FAM91A1: variants seen among roughly 807,000 people sequenced by gnomAD.
FAM91A1 encodes protein FAM91A1.
Under a neutral mutation model 113.5 loss-of-function variants are expected in FAM91A1, and 41 were observed. The ratio of observed to expected loss-of-function variants is 0.36; its 90% CI spans 0.28 to 0.47. FAM91A1 has a LOEUF of 0.47. FAM91A1 is among the 20% of genes least tolerant of loss of function. The pLI, the probability that FAM91A1 is intolerant of heterozygous loss-of-function variation, is 1.00. For synonymous variants in FAM91A1, 307 were observed against 347.9 expected (o/e 0.88, Z 1.31); for missense variants, 696 against 1,001.2 (o/e 0.70, Z 4.11).
At chr8:123,791,506 G>A (rs1815385384) in intron 15 of FAM91A1, among the ~76,000 whole-genome samples, 1 of 152,074 alleles carries the variant, frequency 6.6e-6, no homozygotes, top group Non-Finnish European at 1.5e-5. Flanking sequence ...TTTAAGGTGG[G>A]TTTAATGTTA....
Position 123,798,214 on chromosome 8 carries a change from G to A in FAM91A1, c.1536G>A (p.Arg512=), listed in dbSNP as rs531653798. Residue 512 remains arginine (R), a synonymous_variant, in exon 16 of 24, where the codon CGG becomes CGA. Coordinates refer to ENST00000334705, the MANE Select transcript of FAM91A1 (RefSeq NM_144963.4). The part of the protein sequence containing the change: ...VSMAPLTNEI[R]PVSSCTPQHI... ...TGGCTCCCCTCACCAATGAAATCCG[G>A]CCTGTCAGCAGCTGCACCCCTCAGG... The A allele has an allele frequency of 1.2e-6, 2 of 1,613,934 alleles. No homozygotes were observed. Among genetic ancestry groups the A allele is most frequent in the South Asian group, 2.2e-5 (2 of 91,070 alleles).
At chr8:123,780,186 G>C (rs1255873361) in intron 7 of FAM91A1, 111 bp downstream of exon 7, 8 of 910,178 alleles carry the variant, frequency 8.8e-6, no homozygotes, top group South Asian at 1.8e-5. Context: ...AGTTTCTAAG[G>C]CATGTTATTG....
At chr8:123,792,130 A>T (rs1815400099) in intron 15 of FAM91A1, among the ~76,000 whole-genome samples, 1 of 151,264 alleles carries the variant, frequency 6.6e-6, no homozygotes. Flanking sequence ...AGCTGAAATG[A>T]CACCACTGCA....
rs1476491346 is a variant in FAM91A1, at chr8:123,814,343, A to T, written c.*1639A>T. ...AGTTTTTCAGCTGAAAGTTGTAAGT[A>T]TTTTTTTTTTTTGATCGGGGCTCTT... On this transcript the variant is annotated 3_prime_UTR_variant, in exon 24 of 24. Coordinates refer to ENST00000334705, the MANE Select transcript of FAM91A1 (RefSeq NM_144963.4). The T allele has an allele frequency of 1.5e-5, 3 of 193,726 alleles. No homozygotes were observed. The highest frequency in any genetic ancestry group is 1.4e-4 in the South Asian group (2 of 14,122). The allele number at this position is 193,726 out of a possible 1,614,324, so 12.0% of individuals were successfully genotyped here. A position where few individuals can be genotyped will look rare whatever the true frequency, so the allele number is the denominator to read the frequency against.
At chr8:123,788,252 G>A in intron 14 of FAM91A1, 1 of 984,766 alleles carries the variant, frequency 1.0e-6, no homozygotes, top group Non-Finnish European at 1.2e-6. Flanking sequence ...TTCCCCGTGA[G>A]TACAGCCCTA....
At chr8:123,779,152 A>G (rs745578627) in intron 6 of FAM91A1, among the ~76,000 whole-genome samples, 33 of 152,236 alleles carry the variant, frequency 2.2e-4, no homozygotes, top group Non-Finnish European at 4.3e-4. Flanking sequence ...AATTCTCATA[A>G]CAGCCCCAGA....
chr8:123,801,760 G>C (rs543428084), intron 18 of FAM91A1, among the ~76,000 whole-genome samples: 1 of 151,812 alleles, frequency 6.6e-6, no homozygotes, highest in Non-Finnish European at 1.5e-5. Context: ...TAAAAGAAGC[G>C]AGGTAGTAGG....
At chr8:123,785,010 G>T in intron 9 of FAM91A1, 71 bp from the exon 10 acceptor site, 4 of 1,109,584 alleles carry the variant, frequency 3.6e-6, no homozygotes, top group Non-Finnish European at 5.1e-6. Context: ...TGATTATATT[G>T]GTCTATTACA....
intron 15 of FAM91A1, among the ~76,000 whole-genome samples, chr8:123,796,433 A>G (rs527585818): frequency 4.4e-4 from 67 of 150,806 alleles, no homozygotes; most frequent in African/African-American, 1.6e-3. Context: ...GAGATTTTGG[A>G]TATGGCTAAA....
chr8:123,788,641 C>T (rs1266715094), intron 14 of FAM91A1, among the ~76,000 whole-genome samples: 2 of 152,026 alleles, frequency 1.3e-5, no homozygotes, highest in African/African-American at 4.8e-5. Flanking sequence ...TTGTTAACCC[C>T]ATTTCTTATT....
intron 4 of FAM91A1, 103 bp downstream of exon 4, chr8:123,777,425 G>A: frequency 9.7e-7 from 1 of 1,026,844 alleles, no homozygotes; most frequent in Non-Finnish European, 1.5e-6. Context: ...TGAAATATGT[G>A]AAAAATGAGA....
chr8:123,798,814 T>A (rs1815607231), intron 16 of FAM91A1, among the ~76,000 whole-genome samples: 1 of 152,234 alleles, frequency 6.6e-6, no homozygotes, highest in East Asian at 1.9e-4. Context: ...AATGCAGGGT[T>A]TAATGATGTA....
chr8:123,786,032 T>C (rs1325331005), intron 11 of FAM91A1: 1 of 423,392 alleles, frequency 2.4e-6, no homozygotes, highest in Admixed American at 2.7e-5. Context: ...TTAGCCAGGC[T>C]GGTGTCGAAC....
intron 1 of FAM91A1, among the ~76,000 whole-genome samples, chr8:123,773,199 TGAA>T (rs1814896896): frequency 6.6e-6 from 1 of 152,228 alleles, no homozygotes; most frequent in Non-Finnish European, 1.5e-5. Flanking sequence ...TGTCTTATTG[TGAA>T]GATTGCCTTA....
chr8:123,786,326 C>G (rs1202699495), intron 11 of FAM91A1, among the ~76,000 whole-genome samples, 169 bp from the exon 12 acceptor site: 1 of 151,968 alleles, frequency 6.6e-6, no homozygotes, highest in Non-Finnish European at 1.5e-5. Context: ...AGTTAAGAAC[C>G]CTTGTTGTAT....
intron 14 of FAM91A1, 94 bp downstream of exon 14, chr8:123,787,844 G>T: frequency 1.1e-6 from 1 of 942,286 alleles, no homozygotes; most frequent in South Asian, 1.8e-5. Context: ...GATTTGGATG[G>T]GCTTTCAGTG....
intron 15 of FAM91A1, among the ~76,000 whole-genome samples, chr8:123,796,349 C>G (rs1006815053): frequency 1.3e-5 from 2 of 152,100 alleles, no homozygotes; most frequent in African/African-American, 4.8e-5. Flanking sequence ...TAAATTTCTG[C>G]TGGAGAAAAC....
chr8:123,812,390 G>GTGGT, intron 23 of FAM91A1, 129 bp from the exon 24 acceptor site: 1 of 650,228 alleles, frequency 1.5e-6, no homozygotes, highest in Non-Finnish European at 2.5e-6. Flanking sequence ...GTAGATCTTT[G>GTGGT]CATCTCCTGT....
rs772360725 is a variant in FAM91A1 at position 123,799,768 on chromosome 8, A to G, written c.1696-4A>G. ...CATTTTACCTGTTAATTTCTTTTCA[A>G]TAGAGTTATGATCGATTGCTAATAA... On this transcript the variant is annotated splice_region_variant and splice_polypyrimidine_tract_variant and intron_variant, in intron 17 of 23. Transcript: ENST00000334705. The G allele has an allele frequency of 3.1e-6, 5 of 1,606,606 alleles. No individual in the cohort carries two copies. The highest frequency in any genetic ancestry group is 1.1e-5 in the South Asian group (1 of 89,088).
Sources: gnomAD v4.1 joint callset for allele counts (sites outside exome capture counted in the v4.1 genomes callset) on GRCh38, gnomAD v4.1.1 for gene constraint, MANE v1.5 for transcripts, NCBI Gene and HGNC (gene_info 2026-07-23, HGNC 2026-07-21) for gene names.